FMO4: variants seen among roughly 807,000 people sequenced by gnomAD.
FMO4 encodes the protein flavin containing dimethylaniline monoxygenase 4, also known as dimethylaniline monooxygenase [N-oxide-forming] 4.
Under a neutral mutation model 43.3 loss-of-function variants are expected in FMO4, and 38 were observed. That is an observed-to-expected ratio of 0.88 (90% CI 0.68 to 1.15). The LOEUF is 1.15. Ranked by LOEUF, FMO4 falls within the 50% of genes most tolerant of loss-of-function variation. The pLI, the probability that FMO4 is intolerant of heterozygous loss-of-function variation, is 0.00. For missense variants in FMO4, 631 were observed against 663.3 expected, an observed-to-expected ratio of 0.95 and a Z score of 0.54; for synonymous variants, 224 against 232.2, an observed-to-expected ratio of 0.96 and a Z score of 0.32.
intron 2 of FMO4, among the ~76,000 whole-genome samples, chr1:171,317,920 G>T (rs973295746): frequency 6.6e-6 from 1 of 152,148 alleles, no homozygotes; most frequent in Admixed American, 6.6e-5. Flanking sequence ...TGATAGCAAA[G>T]AGCCCCTTTA....
chr1:171,333,431 C>T (rs1203462759), intron 7 of FMO4, among the ~76,000 whole-genome samples: 1 of 151,988 alleles, frequency 6.6e-6, no homozygotes, highest in East Asian at 1.9e-4. Flanking sequence ...ACCATGTTGG[C>T]CAGGCTGGTT....
intron 5 of FMO4, among the ~76,000 whole-genome samples, chr1:171,328,987 T>C (rs191100250): frequency 5.3e-5 from 8 of 152,322 alleles, no homozygotes; most frequent in Admixed American, 5.2e-4. Flanking sequence ...AATGTGCAAC[T>C]GTATGTAATG....
intron 8 of FMO4, among the ~76,000 whole-genome samples, chr1:171,335,360 A>T (rs939425349): frequency 1.3e-5 from 2 of 152,232 alleles, no homozygotes; most frequent in Non-Finnish European, 2.9e-5. Flanking sequence ...TTTTGTAAAA[A>T]GGATAATGTC....
At chr1:171,319,347 C>T (rs1249697621) in intron 2 of FMO4, among the ~76,000 whole-genome samples, 2 of 152,170 alleles carry the variant, frequency 1.3e-5, no homozygotes, top group Admixed American at 6.5e-5. Context: ...CTGCTCTGCT[C>T]TGCCACTGGA....
At position 171,334,751 on chromosome 1, in the gene FMO4, A is replaced by G. The variant is rs754718059; in HGVS notation, c.1168A>G (p.Arg390Gly). 3 of 1,563,522 alleles carry G rather than the reference A, an allele frequency of 1.9e-6. No individual in the cohort carries two copies. In the African/African-American group the frequency reaches 4.1e-5, roughly 22 times the overall value. ...AGAGCTCCAAGCACGATGGGTCACAAGAGTATTCAAAGGTACCATGACTCT... is the reference window on the plus strand; with the variant it reads ...AGAGCTCCAAGCACGATGGGTCACAGGAGTATTCAAAGGTACCATGACTCT... ...GTELQARWVT[R>G]VFKGLCKIPP... The change falls in exon 8 of 10, where the codon AGA becomes GGA. Residue 390 changes from arginine to glycine, a missense_variant. Transcript: ENST00000367749.
rs149258005 is a variant in FMO4, at chr1:171,334,618, T to C, written c.1035T>C (p.Cys345=). 9.7e-4 allele frequency: 1,562 copies of C among 1,613,192 alleles called. 2 individuals carry two copies. Among genetic ancestry groups the C allele is most frequent in the Middle Eastern group, 1.8e-3 (11 of 6,078 alleles). ...PFFEEPLKSL[C]TKKIFLYKQV... is the part of the protein sequence containing the mutation. The stretch of plus-strand genomic sequence containing the variant: ...TTGAAGAACCTCTTAAAAGCCTCTG[T>C]ACAAAGAAGATATTTCTATACAAGC... Residue 345 remains cysteine (C), a synonymous_variant, in exon 8 of 10, where the codon TGT becomes TGC. Coordinates refer to ENST00000367749, the MANE Select transcript of FMO4 (RefSeq NM_002022.3).
In FMO4 at chr1:171,337,367, A is replaced by G. The variant is rs1463532189; in HGVS notation, c.1192A>G (p.Ile398Val). 1.9e-6 allele frequency: 3 copies of G among 1,611,142 alleles called. No individual in the cohort carries two copies. The highest frequency in any genetic ancestry group is 1.7e-6 in the Non-Finnish European group (2 of 1,177,330). The change falls in exon 9 of 10, where the codon ATA becomes GTA. Residue 398 changes from isoleucine to valine, a missense_variant. By Grantham distance (29) the Ile-to-Val change is conservative. Coordinates refer to ENST00000367749, the MANE Select transcript of FMO4 (RefSeq NM_002022.3). Reference sequence around the variant, plus strand: ...GATTTTTCCCACAGGACTCTGTAAGATACCTCCATCCCAAAAATTGATGAT... The same window carrying G: ...GATTTTTCCCACAGGACTCTGTAAGGTACCTCCATCCCAAAAATTGATGAT... The part of the protein sequence containing the change: ...VTRVFKGLCK[I>V]PPSQKLMMEA...
intron 5 of FMO4, among the ~76,000 whole-genome samples, chr1:171,325,284 A>G (rs1662612044): frequency 6.6e-6 from 1 of 152,236 alleles, no homozygotes; most frequent in Non-Finnish European, 1.5e-5. Context: ...TGATTATTTG[A>G]GAAGCCAAAA....
intron 5 of FMO4, among the ~76,000 whole-genome samples, chr1:171,327,568 A>G (rs1198154412): frequency 6.6e-6 from 1 of 152,038 alleles, no homozygotes; most frequent in Non-Finnish European, 1.5e-5. Flanking sequence ...CTCAGCTTTG[A>G]CAAAATTGAA....
chr1:171,329,296 T>A (rs1163098030), intron 5 of FMO4, among the ~76,000 whole-genome samples: 1 of 152,152 alleles, frequency 6.6e-6, no homozygotes, highest in East Asian at 1.9e-4. Flanking sequence ...GACGCTTTGT[T>A]ACTGGGGATG....
At chr1:171,332,623 A>T (rs1662946893) in intron 6 of FMO4, 86 bp from the exon 7 acceptor site, 1 of 1,110,148 alleles carries the variant, frequency 9.0e-7, no homozygotes, top group Non-Finnish European at 1.3e-6. Flanking sequence ...ACCAGACTGG[A>T]ATAAGATCAT....
rs776355579 is a variant in FMO4, at chr1:171,341,434, C to A, written c.1272C>A (p.Ser424Arg). Residue 424 changes from serine to arginine, a missense_variant, in exon 10 of 10, where the codon AGC (serine) becomes AGA (arginine). Coordinates refer to ENST00000367749, the MANE Select transcript of FMO4 (RefSeq NM_002022.3). ...LIKRGVFKDT[S>R]KDKFDYIAYM... is the part of the protein sequence containing the mutation. The stretch of plus-strand genomic sequence containing the variant: ...TCAGGGGAGTGTTTAAAGACACCAG[C>A]AAAGACAAATTTGACTACATTGCCT... The A allele has an allele frequency of 6.2e-7, 1 of 1,613,580 alleles. No individual in the cohort carries two copies. Among genetic ancestry groups the A allele is most frequent in the South Asian group, 1.1e-5 (1 of 91,062 alleles).
At chr1:171,321,418 G>A (rs2101879868) in intron 3 of FMO4, among the ~76,000 whole-genome samples, 1 of 152,024 alleles carries the variant, frequency 6.6e-6, no homozygotes, top group East Asian at 1.9e-4. Context: ...ATAGAAAATG[G>A]CATAATATTT....
At chr1:171,321,483 A>G (rs529182829) in intron 3 of FMO4, among the ~76,000 whole-genome samples, 12 of 152,310 alleles carry the variant, frequency 7.9e-5, no homozygotes, top group African/African-American at 2.2e-4. Flanking sequence ...TAGATTACTT[A>G]TAATGCCTAA....
At chr1:171,322,865 A>T in intron 3 of FMO4, 139 bp from the exon 4 acceptor site, 1 of 637,108 alleles carries the variant, frequency 1.6e-6, no homozygotes, top group Non-Finnish European at 2.7e-6. Context: ...TCAATCAATC[A>T]ATAAAAGTAA....
chr1:171,341,318 G>A (rs1663360941), intron 9 of FMO4, 95 bp from the exon 10 acceptor site: 3 of 873,522 alleles, frequency 3.4e-6, no homozygotes, highest in Admixed American at 2.8e-5. Flanking sequence ...CCCAAAAAAT[G>A]TAACAAAATG....
Position 171,341,396 on chromosome 1 carries a change from C to T in FMO4, c.1251-17C>T. 1.9e-6 allele frequency: 3 copies of T among 1,599,588 alleles called. No individual in the cohort carries two copies. Among genetic ancestry groups the T allele is most frequent in the Non-Finnish European group, 2.6e-6 (3 of 1,170,932 alleles). On this transcript the variant is annotated splice_polypyrimidine_tract_variant and intron_variant, in intron 9 of 9. Coordinates refer to ENST00000367749, the MANE Select transcript of FMO4 (RefSeq NM_002022.3). ...AGGTGTGATTAATGAAAGGTCCTCC[C>T]TCTTTTTTCCTCTCAGGGGAGTGTT...
intron 7 of FMO4, chr1:171,333,281 T>C (rs1662977507): frequency 4.7e-6 from 1 of 214,060 alleles, no homozygotes; most frequent in Non-Finnish European, 9.3e-6. Context: ...TGGAGTTCAA[T>C]GGTCCGATTT....
chr1:171,336,983 A>T (rs1218352017), intron 8 of FMO4, among the ~76,000 whole-genome samples: 1 of 151,020 alleles, frequency 6.6e-6, no homozygotes, highest in African/African-American at 2.5e-5. Context: ...ACACACACAC[A>T]CACGTACAAT....
Sources: allele counts gnomAD v4.1 joint callset (sites outside exome capture counted in the v4.1 genomes callset), GRCh38; gene constraint gnomAD v4.1.1; transcripts MANE v1.5; gene names NCBI Gene and HGNC (gene_info 2026-07-23, HGNC 2026-07-21).